The following GREM1 variants were observed in gnomAD, a reference collection of about 807,000 sequenced individuals.
The protein encoded by GREM1 is gremlin-1.
GREM1 carries 6 observed loss-of-function variants against 13.1 expected under a neutral mutation model. The observed-to-expected ratio is 0.46, with a 90% CI of 0.25 to 0.91. GREM1 has a LOEUF of 0.91. GREM1 is among the 40% of genes least tolerant of loss of function. The probability of loss-of-function intolerance (pLI) is 0.18; values close to 1 mark genes in which losing one functional copy is unlikely to be tolerated. For synonymous variants in GREM1, 98 were observed against 93.7 expected (o/e 1.05, Z -0.27); for missense variants, 185 against 233.9 (o/e 0.79, Z 1.36).
chr15:32,723,770 T>G (rs2055452291), intron 1 of GREM1, among the ~76,000 whole-genome samples: 1 of 152,232 alleles, frequency 6.6e-6, no homozygotes, highest in South Asian at 2.1e-4. Context: ...GCTGTTGGCT[T>G]CTGCGATAGT....
chr15:32,736,652 A>G lies in GREM1; in HGVS notation c.*5407A>G, dbSNP rs1459300512. 6.6e-6 allele frequency: 1 copy of G among 152,198 alleles called. No individual in the cohort carries two copies. Among genetic ancestry groups the G allele is most frequent in the Non-Finnish European group, 1.5e-5 (1 of 68,048 alleles). The allele number at this position is 152,198 out of a possible 1,614,324, so 9.4% of individuals were successfully genotyped here. ...ATCCGTGTACAACTATTAGATGACT[A>G]CTAACCAAGCAGAGACTTCAGTGTC... On this transcript the variant is annotated 3_prime_UTR_variant, in exon 2 of 2. Transcript: ENST00000651154.
rs2055697344 is a variant in GREM1, at chr15:32,736,352, G to C, written c.*5107G>C. ...GAAGCTGGAAAAAGAGATTTTCATA[G>C]GGACTTTGAAAAGCTCCAAAGTGTT... On this transcript the variant is annotated 3_prime_UTR_variant, in exon 2 of 2. Transcript: ENST00000651154. 1 of 152,136 alleles carries C rather than the reference G, an allele frequency of 6.6e-6. No homozygotes were observed. The highest frequency in any genetic ancestry group is 1.5e-5 in the Non-Finnish European group (1 of 68,032). The allele number at this position is 152,136 out of a possible 1,614,324, so 9.4% of individuals were successfully genotyped here.
chr15:32,732,500 G>T lies in GREM1; in HGVS notation c.*1255G>T, dbSNP rs188017488. On this transcript the variant is annotated 3_prime_UTR_variant, in exon 2 of 2. Transcript: ENST00000651154. The stretch of plus-strand genomic sequence containing the variant: ...GAGATTGGGCTAAAGAGAAGACGAC[G>T]AGAGTAAGGAAATAAAGGGAATTGC... 3 of 245,590 alleles carry T rather than the reference G, an allele frequency of 1.2e-5. No individual in the cohort carries two copies. In the East Asian group the frequency reaches 1.8e-4, roughly 15 times the overall value. The allele number at this position is 245,590 out of a possible 1,614,324, so 15.2% of individuals were successfully genotyped here.
In GREM1 at chr15:32,730,788, T is replaced by C. The variant is rs756565137; in HGVS notation, c.98T>C (p.Ile33Thr). 6.2e-7 allele frequency: 1 copy of C among 1,613,368 alleles called. No individual in the cohort carries two copies. Among genetic ancestry groups the C allele is most frequent in the Non-Finnish European group, 8.5e-7 (1 of 1,179,900 alleles). The change falls in exon 2 of 2, where the codon ATC becomes ACC. Residue 33 changes from isoleucine (I) to threonine (T), a missense_variant. By Grantham distance (89) the Ile-to-Thr change is moderately conservative. Transcript: ENST00000651154. ...EGKKKGSQGA[I>T]PPPDKAQHND... ...AAAAAGAAAGGGTCCCAAGGTGCCA[T>C]CCCCCCGCCAGACAAGGCCCAGCAC...
Position 32,732,002 on chromosome 15 carries a change from GAA to G in GREM1, c.*759_*760del. The G allele has an allele frequency of 4.3e-6, 1 of 230,818 alleles. No individual in the cohort carries two copies. 14.3% of individuals were successfully genotyped at this position (230,818 alleles called of 1,614,324 possible). A position where few individuals can be genotyped will look rare whatever the true frequency, so the allele number is the denominator to read the frequency against. ...CCAGAACACAGGCTGATGCTTCTGA[GAA>G]AGTCTTTTCCTAGTATTTAACAGAA... is the stretch of plus-strand genomic sequence containing the variant. On this transcript the variant is annotated 3_prime_UTR_variant, in exon 2 of 2. Coordinates refer to ENST00000651154, the MANE Select transcript of GREM1 (RefSeq NM_013372.7).
chr15:32,737,907 A>C lies in GREM1; in HGVS notation c.*6662A>C, dbSNP rs2055714104. On this transcript the variant is annotated 3_prime_UTR_variant, in exon 2 of 2. Coordinates refer to ENST00000651154, the MANE Select transcript of GREM1 (RefSeq NM_013372.7). Reference sequence around the variant, plus strand: ...CACGCCATTGTACTCCAGCCTGGGCAACAAGAACAAAACTCTGTCTCAAAA... The same window carrying C: ...CACGCCATTGTACTCCAGCCTGGGCCACAAGAACAAAACTCTGTCTCAAAA... The C allele has an allele frequency of 3.5e-5, 5 of 142,652 alleles. No homozygotes were observed. In the South Asian group the frequency reaches 1.2e-3, roughly 33 times the overall value. The allele number at this position is 142,652 out of a possible 1,614,324, so 8.8% of individuals were successfully genotyped here.
At position 32,739,391 on chromosome 15, in the gene GREM1, A is replaced by G. The variant is rs1024291792; in HGVS notation, c.*8146A>G. On this transcript the variant is annotated 3_prime_UTR_variant, in exon 2 of 2. Transcript: ENST00000651154. ...TGAAGTGTGCATTCCTAAACTCAACACCTTAGTCTGGTTGCAAACAGTTTA... is the reference window on the plus strand; with the variant it reads ...TGAAGTGTGCATTCCTAAACTCAACGCCTTAGTCTGGTTGCAAACAGTTTA... 1 of 152,190 alleles carries G rather than the reference A, an allele frequency of 6.6e-6. No homozygotes were observed. Among genetic ancestry groups the G allele is most frequent in the Non-Finnish European group, 1.5e-5 (1 of 68,030 alleles). The allele number at this position is 152,190 out of a possible 1,614,324, so 9.4% of individuals were successfully genotyped here. A position where few individuals can be genotyped will look rare whatever the true frequency, so the allele number is the denominator to read the frequency against.
chr15:32,719,276 T>C (rs1225678053), intron 1 of GREM1, among the ~76,000 whole-genome samples: 1 of 152,254 alleles, frequency 6.6e-6, no homozygotes, highest in Non-Finnish European at 1.5e-5. Flanking sequence ...CGCTTGGCAT[T>C]GCCTTCGGAT....
At chr15:32,725,847 C>T (rs1413185409) in intron 1 of GREM1, among the ~76,000 whole-genome samples, 2 of 151,408 alleles carry the variant, frequency 1.3e-5, no homozygotes, top group African/African-American at 4.9e-5. Context: ...TTTCAGTTTT[C>T]TGCGTATGGC....
chr15:32,740,931 A>G lies in GREM1; in HGVS notation c.*9686A>G, dbSNP rs534377706. 1 of 152,358 alleles carries G rather than the reference A, an allele frequency of 6.6e-6. No individual in the cohort carries two copies. The highest frequency in any genetic ancestry group is 1.5e-5 in the Non-Finnish European group (1 of 68,038). 9.4% of individuals were successfully genotyped at this position (152,358 alleles called of 1,614,324 possible). A position where few individuals can be genotyped will look rare whatever the true frequency, so the allele number is the denominator to read the frequency against. ...AACGGAATGAGCATTCTGATTTGCCAGTGTGGTCTCATGTTACCCCTGTGC... is the reference window on the plus strand; with the variant it reads ...AACGGAATGAGCATTCTGATTTGCCGGTGTGGTCTCATGTTACCCCTGTGC... On this transcript the variant is annotated 3_prime_UTR_variant, in exon 2 of 2. Coordinates refer to ENST00000651154, the MANE Select transcript of GREM1 (RefSeq NM_013372.7).
At chr15:32,723,129 TGGG>T (rs2055438111) in intron 1 of GREM1, among the ~76,000 whole-genome samples, 1 of 152,242 alleles carries the variant, frequency 6.6e-6, no homozygotes, top group East Asian at 1.9e-4. Flanking sequence ...ATTTTTACTA[TGGG>T]ACACCCTTCT....
In GREM1 at chr15:32,732,189, C is replaced by G. The variant is rs527820975; in HGVS notation, c.*944C>G. On this transcript the variant is annotated 3_prime_UTR_variant, in exon 2 of 2. Coordinates refer to ENST00000651154, the MANE Select transcript of GREM1 (RefSeq NM_013372.7). ...AACCAAACCAACTCCTCTGCTTTGTCCCTCAGGTGGAAAAGAGAGGTAGTT... is the reference window on the plus strand; with the variant it reads ...AACCAAACCAACTCCTCTGCTTTGTGCCTCAGGTGGAAAAGAGAGGTAGTT... The G allele has an allele frequency of 2.1e-5, 5 of 242,154 alleles. No homozygotes were observed. The highest frequency in any genetic ancestry group is 4.4e-5 in the Non-Finnish European group (5 of 114,766). 15.0% of individuals were successfully genotyped at this position (242,154 alleles called of 1,614,324 possible).
In GREM1 at chr15:32,732,071, T is replaced by C; in HGVS notation, c.*826T>C. 4.2e-6 allele frequency: 1 copy of C among 237,638 alleles called. No individual in the cohort carries two copies. Among genetic ancestry groups the C allele is most frequent in the Non-Finnish European group, 9.0e-6 (1 of 111,506 alleles). 14.7% of individuals were successfully genotyped at this position (237,638 alleles called of 1,614,324 possible). The stretch of plus-strand genomic sequence containing the variant: ...AGAAATGAGATTGCCAGAAAGTGAT[T>C]AACTTTGGCCGTTGCAATCTGCTCA... On this transcript the variant is annotated 3_prime_UTR_variant, in exon 2 of 2. Transcript: ENST00000651154.
At position 32,742,957 on chromosome 15, in the gene GREM1, A is replaced by G. The variant is rs986746064; in HGVS notation, c.*11712A>G. On this transcript the variant is annotated 3_prime_UTR_variant, in exon 2 of 2. Coordinates refer to ENST00000651154, the MANE Select transcript of GREM1 (RefSeq NM_013372.7). ...AAGTTTCATGACATTGCCCTTGGCAATGATTTCATGTACATAACAACAAAA... is the reference window on the plus strand; with the variant it reads ...AAGTTTCATGACATTGCCCTTGGCAGTGATTTCATGTACATAACAACAAAA... 1 of 152,272 alleles carries G rather than the reference A, an allele frequency of 6.6e-6. No individual in the cohort carries two copies. The highest frequency in any genetic ancestry group is 6.5e-5 in the Admixed American group (1 of 15,286). 9.4% of individuals were successfully genotyped at this position (152,272 alleles called of 1,614,324 possible). A position where few individuals can be genotyped will look rare whatever the true frequency, so the allele number is the denominator to read the frequency against.
intron 1 of GREM1, 120 bp from the exon 2 acceptor site, chr15:32,730,570 T>G (rs1270849700): frequency 2.5e-5 from 17 of 673,980 alleles, no homozygotes; most frequent in Non-Finnish European, 4.0e-5. Context: ...GAGAAGTAAA[T>G]GGAATATTTC....
chr15:32,744,776 T>G lies in GREM1; in HGVS notation c.*13531T>G, dbSNP rs945215965. 16 of 151,918 alleles carry G rather than the reference T, an allele frequency of 1.1e-4. No homozygotes were observed. Among genetic ancestry groups the G allele is most frequent in the Admixed American group, 1.0e-3 (16 of 15,270 alleles). The allele number at this position is 151,918 out of a possible 1,614,324, so 9.4% of individuals were successfully genotyped here. ...TCTGTAGAGGCAGGACCTTAGCATA[T>G]AGCAGAGATAACTTATCTTCCAGCA... On this transcript the variant is annotated 3_prime_UTR_variant, in exon 2 of 2. Coordinates refer to ENST00000651154, the MANE Select transcript of GREM1 (RefSeq NM_013372.7).
In GREM1 at chr15:32,727,656, CAAAT is replaced by C. The variant is rs202230796; in HGVS notation, c.-1-3026_-1-3023del. Among the ~76,000 whole-genome samples, 12,092 of 151,966 alleles carry C rather than the reference CAAAT, an allele frequency of 0.08. 486 individuals are homozygous for C. The highest frequency in any genetic ancestry group is 0.099 in the Non-Finnish European group (6,759 of 67,956). On this transcript the variant is annotated intron_variant, in intron 1 of 1. Coordinates refer to ENST00000651154, the MANE Select transcript of GREM1 (RefSeq NM_013372.7). ...TTCTGGCCAGGGCAAGCAGGCAAGA[CAAAT>C]AAATAAAGGGTATTCAAATAGGAAG...
In GREM1 at chr15:32,735,604, A is replaced by G. The variant is rs71462821; in HGVS notation, c.*4359A>G. The G allele has an allele frequency of 0.034, 5,228 of 152,276 alleles. 122 individuals carry two copies. Among genetic ancestry groups the G allele is most frequent in the Non-Finnish European group, 0.055 (3,708 of 68,004 alleles). The allele number at this position is 152,276 out of a possible 1,614,324, so 9.4% of individuals were successfully genotyped here. On this transcript the variant is annotated 3_prime_UTR_variant, in exon 2 of 2. Transcript: ENST00000651154. ...ACCCAAGATCTGAAGCATTCAGTCA[A>G]AGCCTCTTGGCCACCTCTCTTTTTG...
At chr15:32,730,052 T>C (rs2055588893) in intron 1 of GREM1, among the ~76,000 whole-genome samples, 1 of 152,226 alleles carries the variant, frequency 6.6e-6, no homozygotes, top group Non-Finnish European at 1.5e-5. Flanking sequence ...AGTATTGGTA[T>C]CTTTGCTTAA....
Sources: allele counts gnomAD v4.1 joint callset (sites outside exome capture counted in the v4.1 genomes callset), GRCh38; gene constraint gnomAD v4.1.1; transcripts MANE v1.5; gene names NCBI Gene and HGNC (gene_info 2026-07-23, HGNC 2026-07-21).